USP12: variants seen among roughly 807,000 people sequenced by gnomAD.
The protein encoded by USP12 is ubiquitin specific peptidase 12.
USP12 carries 19 observed loss-of-function variants against 45.5 expected under a neutral mutation model. That is an observed-to-expected ratio of 0.42 (90% confidence interval 0.29 to 0.61). The LOEUF (loss-of-function observed/expected upper bound fraction) is 0.61, where lower values mean the gene tolerates loss of function less well. Among genes scored for constraint, USP12 ranks in the 20% least tolerant of loss-of-function variants. USP12 has a pLI of 0.22. For missense variants in USP12, 242 were observed against 447.7 expected, an observed-to-expected ratio of 0.54 and a Z score of 4.15; for synonymous variants, 149 against 148.8, an observed-to-expected ratio of 1.00 and a Z score of -0.01.
chr13:27,169,764 C>T (rs1878500346), intron 1 of USP12, among the ~76,000 whole-genome samples: 2 of 152,302 alleles, frequency 1.3e-5, no homozygotes, highest in Middle Eastern at 3.4e-3. Context: ...TACCTGAATA[C>T]TGTTTGTGTC....
chr13:27,128,231 C>A (rs188799062), intron 1 of USP12, among the ~76,000 whole-genome samples: 1 of 152,250 alleles, frequency 6.6e-6, no homozygotes, highest in Admixed American at 6.5e-5. Flanking sequence ...AGACAATGAG[C>A]TAATGAAAGA....
At chr13:27,134,179 A>C (rs1373788840) in intron 1 of USP12, among the ~76,000 whole-genome samples, 3 of 152,200 alleles carry the variant, frequency 2.0e-5, no homozygotes, top group African/African-American at 7.2e-5. Flanking sequence ...TTATGACTGA[A>C]ATGTGTGACT....
intron 1 of USP12, among the ~76,000 whole-genome samples, chr13:27,142,108 C>T (rs570599703): frequency 2.0e-5 from 3 of 152,042 alleles, no homozygotes; most frequent in Non-Finnish European, 4.4e-5. Flanking sequence ...GGTGACAGAG[C>T]GAGACTCTGT....
intron 1 of USP12, among the ~76,000 whole-genome samples, chr13:27,149,633 G>A (rs1593209386): frequency 6.6e-6 from 1 of 152,292 alleles, no homozygotes; most frequent in South Asian, 2.1e-4. Context: ...GTGGGGGGTG[G>A]GAGGAGTAGC....
At chr13:27,088,233 A>G (rs1237358541) in intron 6 of USP12, among the ~76,000 whole-genome samples, 1 of 151,952 alleles carries the variant, frequency 6.6e-6, no homozygotes, top group Admixed American at 6.6e-5. Flanking sequence ...ATCCCAACAC[A>G]GTGAAACCCC....
intron 1 of USP12, among the ~76,000 whole-genome samples, chr13:27,126,173 TG>T (rs1452247085): frequency 1.3e-5 from 2 of 152,224 alleles, no homozygotes; most frequent in African/African-American, 4.8e-5. Flanking sequence ...CCTCCTCAAG[TG>T]GGTCCCTGAC....
At chr13:27,137,123 T>C (rs1206826418) in intron 1 of USP12, among the ~76,000 whole-genome samples, 2 of 152,218 alleles carry the variant, frequency 1.3e-5, no homozygotes. Context: ...CCCTTCACAT[T>C]AGGTGATGTG....
At chr13:27,131,467 G>C (rs1876498242) in intron 1 of USP12, among the ~76,000 whole-genome samples, 1 of 152,180 alleles carries the variant, frequency 6.6e-6, no homozygotes, top group Non-Finnish European at 1.5e-5. Flanking sequence ...AGAAACATGA[G>C]TCATTTGGAT....
Position 27,152,845 on chromosome 13 carries a change from G to C in USP12, c.48+18747C>G, listed in dbSNP as rs914379498. 7.3e-5 allele frequency among the ~76,000 whole-genome samples: 11 copies of C among 151,356 alleles called. No homozygotes were observed. The South Asian group carries it at 1.7e-3, about 23-fold the overall frequency. ...TAGTCCCAGCTACTCAGGAGGCTGA[G>C]GCAGGACAATGGCGTGAACCTGGGA... On this transcript the variant is annotated intron_variant, in intron 1 of 8. Coordinates refer to ENST00000282344, the MANE Select transcript of USP12 (RefSeq NM_182488.4).
chr13:27,073,471 G>C (rs576184433), intron 7 of USP12, among the ~76,000 whole-genome samples: 4 of 152,258 alleles, frequency 2.6e-5, no homozygotes, highest in Admixed American at 1.3e-4. Context: ...AAAGGGAAAG[G>C]GTCAAGAGAC....
intron 8 of USP12, among the ~76,000 whole-genome samples, chr13:27,070,276 T>C (rs748558575): frequency 2.0e-5 from 3 of 152,124 alleles, no homozygotes; most frequent in African/African-American, 7.2e-5. Context: ...GAAGTCCAAA[T>C]AGCAGGCTCC....
At chr13:27,116,870 C>T (rs565171316) in intron 1 of USP12, among the ~76,000 whole-genome samples, 2 of 152,276 alleles carry the variant, frequency 1.3e-5, no homozygotes, top group East Asian at 3.9e-4. Context: ...CAGGCTCTAC[C>T]ATCTAGCCTA....
chr13:27,163,768 T>TAAAAAAAAA (rs34384911), intron 1 of USP12, among the ~76,000 whole-genome samples: 1 of 83,292 alleles, frequency 1.2e-5, no homozygotes, highest in African/African-American at 4.4e-5. Flanking sequence ...AGACCTGTCT[T>TAAAAAAAAA]AAAAAAAAAA....
At chr13:27,132,631 C>T (rs1033083850) in intron 1 of USP12, among the ~76,000 whole-genome samples, 11 of 152,124 alleles carry the variant, frequency 7.2e-5, no homozygotes, top group Non-Finnish European at 1.3e-4. Context: ...TCTGCATTTG[C>T]GTAGGTCTGG....
Position 27,162,182 on chromosome 13 carries a change from T to A in USP12, c.48+9410A>T, listed in dbSNP as rs554827554. ...ATTTATAGTACAAAGGACGTTCACA[T>A]GTGTCATCTCATCTGATCTAATGGG... On this transcript the variant is annotated intron_variant, in intron 1 of 8. Transcript: ENST00000282344. Among the ~76,000 whole-genome samples the A allele has an allele frequency of 5.3e-5, 8 of 152,320 alleles. No individual in the cohort carries two copies. The South Asian group carries it at 1.7e-3, about 32-fold the overall frequency.
At chr13:27,147,891 G>A (rs1350196853) in intron 1 of USP12, among the ~76,000 whole-genome samples, 2 of 152,148 alleles carry the variant, frequency 1.3e-5, no homozygotes, top group African/African-American at 4.8e-5. Flanking sequence ...ACTTTGGGAG[G>A]CTGAGGACGG....
chr13:27,155,071 T>A, intron 1 of USP12, among the ~76,000 whole-genome samples: 1 of 41,330 alleles, frequency 2.4e-5, no homozygotes, highest in African/African-American at 6.5e-5. Context: ...CACAACTTTT[T>A]TTTTTTTTTT....
chr13:27,171,090 C>T (rs1392419432), intron 1 of USP12, among the ~76,000 whole-genome samples: 2 of 151,440 alleles, frequency 1.3e-5, no homozygotes, highest in African/African-American at 4.8e-5. Flanking sequence ...CCCGCCGACC[C>T]CCACCCCTCC....
chr13:27,097,000 TA>T (rs1452210354), intron 3 of USP12, among the ~76,000 whole-genome samples: 2 of 151,896 alleles, frequency 1.3e-5, no homozygotes, highest in Admixed American at 6.6e-5. Context: ...AAAAAAGTTT[TA>T]AAAAAAGTGA....
Sources: gnomAD v4.1 joint callset for allele counts (sites outside exome capture counted in the v4.1 genomes callset) on GRCh38, gnomAD v4.1.1 for gene constraint, MANE v1.5 for transcripts, NCBI Gene and HGNC (gene_info 2026-07-23, HGNC 2026-07-21) for gene names.